Variants in SYNE1 observed in about 807,000 individuals in gnomAD.
SYNE1 encodes nesprin-1.
SYNE1 carries 616 observed loss-of-function variants against 1,111.0 expected under a neutral mutation model. That is an observed-to-expected ratio of 0.55 (90% CI 0.52 to 0.59). SYNE1 has a LOEUF of 0.59. Among genes scored for constraint, SYNE1 ranks in the 20% least tolerant of loss-of-function variants. The probability of loss-of-function intolerance (pLI) is 0.00; values close to 1 mark genes in which losing one functional copy is unlikely to be tolerated. For synonymous variants in SYNE1, 3,855 were observed against 3,825.8 expected (o/e 1.01, Z -0.28); for missense variants, 10,006 against 10,417.0 (o/e 0.96, Z 1.72).
chr6:152,159,676 C>T (rs2062046444), intron 131 of SYNE1, among the ~76,000 whole-genome samples: 1 of 152,152 alleles, frequency 6.6e-6, no homozygotes, highest in Admixed American at 6.5e-5. Flanking sequence ...GTGATTATGG[C>T]TCACTGCAGC....
intron 11 of SYNE1, among the ~76,000 whole-genome samples, chr6:152,489,747 C>T (rs1306661876): frequency 6.6e-6 from 1 of 152,120 alleles, no homozygotes; most frequent in Non-Finnish European, 1.5e-5. Flanking sequence ...GATTTTCTAA[C>T]CCAGAAGTCT....
chr6:152,535,104 T>C (rs1018775705), intron 4 of SYNE1, among the ~76,000 whole-genome samples: 1 of 152,240 alleles, frequency 6.6e-6, no homozygotes, highest in Non-Finnish European at 1.5e-5. Context: ...GTCATTAGCA[T>C]GGGTCCTAAT....
Position 152,362,211 on chromosome 6 carries a change from C to T in SYNE1, c.10258G>A (p.Ala3420Thr). 1 of 1,614,246 alleles carries T rather than the reference C, an allele frequency of 6.2e-7. No individual in the cohort carries two copies. Among genetic ancestry groups the T allele is most frequent in the Admixed American group, 1.7e-5 (1 of 60,034 alleles). ...ANLNESERQH[A>T]ELRDKTTMLG... ...ATCGTTGTTTTATCCCGCAGCTCCG[C>T]ATGCTGCCTTTCTGATTCATTCAGG... The change falls in exon 64 of 146, where the codon GCG becomes ACG. Residue 3420 changes from alanine (A) to threonine (T), a missense_variant. This residue lies in a region of SYNE1 where 4,955 missense variants were observed against 5,017.2 expected (regional missense o/e 0.99). Coordinates refer to ENST00000367255, the MANE Select transcript of SYNE1 (RefSeq NM_182961.4).
At chr6:152,189,007 ATATATATATAT>A (rs1563336680) in intron 128 of SYNE1, among the ~76,000 whole-genome samples, 83 of 127,732 alleles carry the variant, frequency 6.5e-4, no homozygotes, top group African/African-American at 2.5e-3. Flanking sequence ...ATATATATAT[ATATATATATAT>A]AAAATGCCAG....
chr6:152,514,241 G>A (rs1203159973), intron 6 of SYNE1, among the ~76,000 whole-genome samples: 1 of 152,148 alleles, frequency 6.6e-6, no homozygotes. Flanking sequence ...ATGCCCAACA[G>A]TGATAGACTG....
At chr6:152,385,622 T>C in intron 55 of SYNE1, 52 bp downstream of exon 55, 2 of 1,594,582 alleles carry the variant, frequency 1.3e-6, no homozygotes, top group Non-Finnish European at 1.7e-6. Flanking sequence ...TTATCAAAAG[T>C]ACTCAAGAAG....
intron 93 of SYNE1, among the ~76,000 whole-genome samples, chr6:152,299,362 T>C (rs2095051291): frequency 6.6e-6 from 1 of 152,216 alleles, no homozygotes; most frequent in South Asian, 2.1e-4. Context: ...TATTTTAAAA[T>C]GAGAATTTGA....
chr6:152,450,771 T>C lies in SYNE1; in HGVS notation c.3249A>G (p.Glu1083=). The C allele has an allele frequency of 1.2e-6, 2 of 1,614,098 alleles. No homozygotes were observed. The highest frequency in any genetic ancestry group is 1.7e-6 in the Non-Finnish European group (2 of 1,180,026). Residue 1083 remains glutamate (E), a synonymous_variant, in exon 27 of 146, where the codon GAA becomes GAG. Transcript: ENST00000367255. ...CCCGCACTGGGAGTTTCACACAGAG[T>C]TCCTCGATGAGCTGTAACCTTTTCT... is the stretch of plus-strand genomic sequence containing the variant. ...LCEKRLQLIE[E]LCVKLPVRDP...
chr6:152,547,612 T>C (rs561694098), intron 3 of SYNE1, among the ~76,000 whole-genome samples: 25 of 152,086 alleles, frequency 1.6e-4, no homozygotes, highest in Non-Finnish European at 2.9e-4. Flanking sequence ...GACTGAAAAA[T>C]AAGATATTTT....
Position 152,407,071 on chromosome 6 carries a change from T to G in SYNE1, c.6666A>C (p.Glu2222Asp). The change falls in exon 45 of 146, where the codon GAA becomes GAC. Residue 2222 changes from glutamate (E) to aspartate (D), a missense_variant. Glu to Asp is a conservative substitution (Grantham distance 45). This residue lies in a region of SYNE1 where 4,955 missense variants were observed against 5,017.2 expected (regional missense o/e 0.99). Coordinates refer to ENST00000367255, the MANE Select transcript of SYNE1 (RefSeq NM_182961.4). The part of the protein sequence containing the change: ...WSNNCVPQMA[E>D]NISNLDNHLR... ...GGTGGTTATCCAGGTTGCTGATGTT[T>G]TCTGCCATCTGTGGAACGCAGTTGT... 1 of 1,614,088 alleles carries G rather than the reference T, an allele frequency of 6.2e-7. No individual in the cohort carries two copies. Among genetic ancestry groups the G allele is most frequent in the Non-Finnish European group, 8.5e-7 (1 of 1,180,006 alleles).
At chr6:152,230,264 T>C (rs1176415786) in intron 115 of SYNE1, among the ~76,000 whole-genome samples, 1 of 152,118 alleles carries the variant, frequency 6.6e-6, no homozygotes, top group Non-Finnish European at 1.5e-5. Context: ...ATCTTGACAA[T>C]TATTAAATCT....
chr6:152,141,383 A>G (rs2058522761), intron 138 of SYNE1, 54 bp from the exon 139 acceptor site: 15 of 1,609,202 alleles, frequency 9.3e-6, no homozygotes, highest in Non-Finnish European at 1.2e-5. Flanking sequence ...TGAGTGCAAA[A>G]GCTTCCGGGG....
intron 22 of SYNE1, among the ~76,000 whole-genome samples, chr6:152,457,822 A>G (rs909534247): frequency 3.9e-5 from 6 of 152,022 alleles, no homozygotes; most frequent in Admixed American, 6.6e-5. Context: ...TTCGTCAATC[A>G]GCAAGGCAGC....
At chr6:152,587,251 C>T (rs2099542987) in intron 3 of SYNE1, among the ~76,000 whole-genome samples, 1 of 152,084 alleles carries the variant, frequency 6.6e-6, no homozygotes, top group South Asian at 2.1e-4. Context: ...TTTTGCATTC[C>T]TTTTTGTTGC....
At chr6:152,247,587 G>A (rs9371246) in intron 105 of SYNE1, among the ~76,000 whole-genome samples, 76,307 of 151,082 alleles carry the variant, frequency 0.51, 19,927 homozygotes, top group East Asian at 0.72. Flanking sequence ...ATGCACAGCC[G>A]GATGCGGTGG....
chr6:152,477,111 T>A (rs944574988), intron 14 of SYNE1, among the ~76,000 whole-genome samples: 2 of 152,080 alleles, frequency 1.3e-5, no homozygotes, highest in Admixed American at 6.6e-5. Flanking sequence ...TTAGAAAGTA[T>A]GCATTATCAA....
At chr6:152,615,495 A>G (rs1251307112) in intron 3 of SYNE1, among the ~76,000 whole-genome samples, 3 of 152,132 alleles carry the variant, frequency 2.0e-5, no homozygotes, top group Non-Finnish European at 4.4e-5. Context: ...ATCAGAAATA[A>G]CATTCCTTCT....
At chr6:152,459,473 C>T (rs967236776) in intron 21 of SYNE1, among the ~76,000 whole-genome samples, 1 of 152,208 alleles carries the variant, frequency 6.6e-6, no homozygotes, top group African/African-American at 2.4e-5. Flanking sequence ...CTGCTCCCTG[C>T]TTATCAACAT....
At chr6:152,580,088 A>G (rs2128409494) in intron 3 of SYNE1, among the ~76,000 whole-genome samples, 1 of 152,358 alleles carries the variant, frequency 6.6e-6, no homozygotes, top group East Asian at 1.9e-4. Context: ...AGAAATCTCC[A>G]AACTGCTTTC....
Sources: allele counts gnomAD v4.1 joint callset (sites outside exome capture counted in the v4.1 genomes callset), GRCh38; gene constraint gnomAD v4.1.1; regional missense constraint gnomAD v4.1.1; transcripts MANE v1.5; gene names NCBI Gene and HGNC (gene_info 2026-07-23, HGNC 2026-07-21).